Variants in MBNL1 observed in about 807,000 individuals in gnomAD.
The protein encoded by MBNL1 is muscleblind like splicing regulator 1.
Under a neutral mutation model 42.2 loss-of-function variants are expected in MBNL1, and 8 were observed. That is an observed-to-expected ratio of 0.19 (90% confidence interval 0.11 to 0.34). MBNL1 has a LOEUF of 0.34. Among genes scored for constraint, MBNL1 ranks in the 10% least tolerant of loss-of-function variants. The pLI, the probability that MBNL1 is intolerant of heterozygous loss-of-function variation, is 1.00. For synonymous variants in MBNL1, 169 were observed against 173.9 expected (o/e 0.97, Z 0.22); for missense variants, 309 against 495.3 (o/e 0.62, Z 3.57).
chr3:152,245,819 T>A (rs1040356950), intron 2 of MBNL1, among the ~76,000 whole-genome samples: 27 of 152,300 alleles, frequency 1.8e-4, no homozygotes, highest in African/African-American at 6.5e-4. Flanking sequence ...TGTGAATTGT[T>A]GAATCAAATT....
intron 2 of MBNL1, among the ~76,000 whole-genome samples, chr3:152,386,978 G>A (rs1449236134): frequency 6.6e-6 from 1 of 152,046 alleles, no homozygotes; most frequent in African/African-American, 2.4e-5. Flanking sequence ...GTTGGATCTG[G>A]CTACTGCAGT....
chr3:152,267,677 T>G (rs1178635863), upstream of MBNL1: 1 of 152,210 alleles, frequency 6.6e-6, no homozygotes. Flanking sequence ...TTAATTAATT[T>G]GTTCTGGAAG....
chr3:152,449,771 A>G (rs1024584497), intron 6 of MBNL1, among the ~76,000 whole-genome samples: 3 of 152,208 alleles, frequency 2.0e-5, no homozygotes, highest in Non-Finnish European at 2.9e-5. Flanking sequence ...ATTTATTATG[A>G]TGCATTTTGC....
At chr3:152,297,775 G>C (rs1560039415) in intron 1 of MBNL1, among the ~76,000 whole-genome samples, 1 of 152,020 alleles carries the variant, frequency 6.6e-6, no homozygotes, top group Non-Finnish European at 1.5e-5. Flanking sequence ...TTCTGCCTCA[G>C]CCTCCTGAGT....
chr3:152,455,230 C>T (rs1731215357), intron 6 of MBNL1, among the ~76,000 whole-genome samples: 2 of 152,120 alleles, frequency 1.3e-5, no homozygotes, highest in South Asian at 4.1e-4. Context: ...AAACAAATTA[C>T]AATATTATTT....
Position 152,325,087 on chromosome 3 carries a change from GCCCC to G in MBNL1, c.174+24726_174+24729del, listed in dbSNP as rs532842950. On this transcript the variant is annotated intron_variant, in intron 2 of 9. Transcript: ENST00000324210. Reference sequence around the variant, plus strand: ...TGTTCCCATGTAATGCCACATACCCGCCCCCCCCCGCCCGCTTTTTTTTCATTTG... The same window carrying G: ...TGTTCCCATGTAATGCCACATACCCGCCCCCGCCCGCTTTTTTTTCATTTG... 2.0e-4 allele frequency among the ~76,000 whole-genome samples: 3 copies of G among 15,368 alleles called. 1 individual carries two copies. Among genetic ancestry groups the G allele is most frequent in the African/African-American group, 7.1e-4 (3 of 4,216 alleles). 10.1% of individuals were successfully genotyped at this position (15,368 alleles called of 152,430 possible). A position where few individuals can be genotyped will look rare whatever the true frequency, so the allele number is the denominator to read the frequency against.
chr3:152,390,170 C>A (rs904426980), intron 2 of MBNL1, among the ~76,000 whole-genome samples: 1 of 151,396 alleles, frequency 6.6e-6, no homozygotes, highest in Non-Finnish European at 1.5e-5. Flanking sequence ...AAAAAACTTA[C>A]TGACTCTTTT....
chr3:152,438,014 A>C (rs1339724886), intron 4 of MBNL1, among the ~76,000 whole-genome samples: 1 of 152,130 alleles, frequency 6.6e-6, no homozygotes, highest in Non-Finnish European at 1.5e-5. Flanking sequence ...TTCCAGGATT[A>C]TGTTAAGAAA....
At chr3:152,452,549 C>G (rs1725455644) in intron 6 of MBNL1, among the ~76,000 whole-genome samples, 1 of 152,162 alleles carries the variant, frequency 6.6e-6, no homozygotes, top group Non-Finnish European at 1.5e-5. Context: ...GACAGGTACT[C>G]CAGGGGTTCT....
intron 2 of MBNL1, among the ~76,000 whole-genome samples, chr3:152,368,631 C>T (rs886495331): frequency 3.9e-5 from 6 of 152,120 alleles, no homozygotes; most frequent in African/African-American, 1.2e-4. Flanking sequence ...GATATTGATT[C>T]TTCCTTTCCA....
At chr3:152,437,961 A>G (rs1296359114) in intron 4 of MBNL1, among the ~76,000 whole-genome samples, 1 of 152,008 alleles carries the variant, frequency 6.6e-6, no homozygotes, top group African/African-American at 2.4e-5. Context: ...TTCAGTGGAG[A>G]TGGGGTTTCA....
At chr3:152,379,314 A>G (rs896396891) in intron 2 of MBNL1, among the ~76,000 whole-genome samples, 3 of 152,182 alleles carry the variant, frequency 2.0e-5, no homozygotes, top group African/African-American at 7.2e-5. Context: ...CTGTCAACCA[A>G]TGATCATTAA....
intron 1 of MBNL1, among the ~76,000 whole-genome samples, chr3:152,295,641 A>G (rs565159955): frequency 1.3e-5 from 2 of 152,352 alleles, no homozygotes; most frequent in East Asian, 3.9e-4. Flanking sequence ...GAAGAGCTAC[A>G]AAGTACCAGA....
intron 2 of MBNL1, among the ~76,000 whole-genome samples, chr3:152,308,672 G>A (rs1015870718): frequency 1.3e-5 from 2 of 152,128 alleles, no homozygotes; most frequent in African/African-American, 4.8e-5. Context: ...CCTGTCTACT[G>A]CAGAGCTTAA....
chr3:152,413,860 C>T (rs1035487044), intron 2 of MBNL1, among the ~76,000 whole-genome samples: 5 of 152,058 alleles, frequency 3.3e-5, no homozygotes, highest in Non-Finnish European at 1.5e-5. Context: ...TAGAGTGCCT[C>T]ACACCATATT....
At chr3:152,248,593 TA>T (rs1021465605) in intron 2 of MBNL1, among the ~76,000 whole-genome samples, 12 of 151,896 alleles carry the variant, frequency 7.9e-5, no homozygotes, top group Admixed American at 6.6e-4. Flanking sequence ...GATAATCTCT[TA>T]TTTTTTTTTC....
intron 8 of MBNL1, among the ~76,000 whole-genome samples, chr3:152,457,533 C>T (rs986283393): frequency 6.6e-6 from 1 of 152,148 alleles, no homozygotes; most frequent in Non-Finnish European, 1.5e-5. Context: ...AATCAGAACA[C>T]AAAAATGAAT....
chr3:152,284,827 G>A (rs916374819), intron 1 of MBNL1, among the ~76,000 whole-genome samples: 2 of 152,112 alleles, frequency 1.3e-5, no homozygotes, highest in African/African-American at 4.8e-5. Context: ...TGAAGAAAAT[G>A]TAGGCTCCTG....
At chr3:152,410,559 A>G (rs2098542885) in intron 2 of MBNL1, among the ~76,000 whole-genome samples, 1 of 152,230 alleles carries the variant, frequency 6.6e-6, no homozygotes, top group Non-Finnish European at 1.5e-5. Flanking sequence ...TGTTGGATTA[A>G]TTCTATTTTA....
Sources: gnomAD v4.1 joint callset for allele counts (sites outside exome capture counted in the v4.1 genomes callset) on GRCh38, gnomAD v4.1.1 for gene constraint, MANE v1.5 for transcripts, NCBI Gene and HGNC (gene_info 2026-07-23, HGNC 2026-07-21) for gene names.